The following STK3 variants were observed in gnomAD, a reference collection of about 807,000 sequenced individuals.
STK3 encodes the protein serine/threonine kinase 3, also known as serine/threonine-protein kinase 3.
A neutral mutation model predicts 58.0 loss-of-function variants in STK3; 41 were observed. The observed-to-expected ratio is 0.71, with a 90% CI of 0.55 to 0.92. STK3 has a LOEUF of 0.92. Among genes scored for constraint, STK3 ranks in the 40% least tolerant of loss-of-function variants. The pLI is 0.00. For synonymous variants in STK3, 170 were observed against 191.0 expected, an observed-to-expected ratio of 0.89 and a Z score of 0.91; for missense variants, 479 against 602.7, an observed-to-expected ratio of 0.79 and a Z score of 2.15.
intron 1 of STK3, among the ~76,000 whole-genome samples, chr8:98,817,453 CAAAA>C (rs61671053): frequency 3.1e-5 from 4 of 128,990 alleles, no homozygotes; most frequent in East Asian, 2.2e-4. Flanking sequence ...GACTCCATCT[CAAAA>C]AAAAAAAAAA....
intron 1 of STK3, among the ~76,000 whole-genome samples, chr8:98,907,369 C>T (rs999454030): frequency 4.1e-4 from 62 of 151,894 alleles, no homozygotes; most frequent in African/African-American, 1.4e-3. Flanking sequence ...AAAAAATTAG[C>T]CAGGCGTGGT....
intron 4 of STK3, among the ~76,000 whole-genome samples, chr8:98,707,979 A>C (rs1716852159): frequency 6.6e-6 from 1 of 151,938 alleles, no homozygotes; most frequent in African/African-American, 2.4e-5. Flanking sequence ...TCTCTACTAA[A>C]AATACAAAAA....
chr8:98,702,343 T>C (rs1825688215), intron 6 of STK3, among the ~76,000 whole-genome samples: 1 of 152,258 alleles, frequency 6.6e-6, no homozygotes. Context: ...CATTCTCAAA[T>C]AACTGCAAAT....
chr8:98,400,728 ATCT>A (rs2131025560), downstream of STK3, among the ~76,000 whole-genome samples: 1 of 152,224 alleles, frequency 6.6e-6, no homozygotes, highest in African/African-American at 2.4e-5. Context: ...CTTCTAAATA[ATCT>A]TAGATTTGAT....
intron 6 of STK3, among the ~76,000 whole-genome samples, chr8:98,623,932 G>A (rs910006161): frequency 1.3e-5 from 2 of 152,210 alleles, no homozygotes; most frequent in Admixed American, 6.5e-5. Context: ...ATAAACTGTT[G>A]TTGTTTAAAT....
intron 7 of STK3, among the ~76,000 whole-genome samples, chr8:98,589,235 A>G (rs985431194): frequency 1.9e-4 from 29 of 152,106 alleles, no homozygotes; most frequent in African/African-American, 6.7e-4. Flanking sequence ...GGTTTTATCT[A>G]CTTTTGGTCT....
chr8:98,893,496 GAAAGAAAGAA>G (rs1838320952), intron 1 of STK3, among the ~76,000 whole-genome samples: 1 of 102,892 alleles, frequency 9.7e-6, no homozygotes, highest in African/African-American at 3.6e-5. Context: ...GAGAAAGAAA[GAAAGAAAGAA>G]AGAAAGAAAG....
At chr8:98,396,216 A>G in intron 3 of STK3, among the ~76,000 whole-genome samples, 1 of 152,228 alleles carries the variant, frequency 6.6e-6, no homozygotes, top group Non-Finnish European at 1.5e-5. Flanking sequence ...AGCTTTCAAA[A>G]ACATCCGCTG....
chr8:98,867,417 A>T (rs879325665), intron 3 of STK3, among the ~76,000 whole-genome samples: 1 of 152,172 alleles, frequency 6.6e-6, no homozygotes, highest in Non-Finnish European at 1.5e-5. Context: ...CCTGTCTCGA[A>T]AAAATAATTT....
At chr8:98,487,772 C>A (rs1822384264) in intron 10 of STK3, among the ~76,000 whole-genome samples, 1 of 152,182 alleles carries the variant, frequency 6.6e-6, no homozygotes, top group Non-Finnish European at 1.5e-5. Context: ...TCACGTCCCC[C>A]ACTCTAGTAG....
chr8:98,762,918 C>A (rs1001864633), intron 3 of STK3, among the ~76,000 whole-genome samples: 3 of 152,172 alleles, frequency 2.0e-5, no homozygotes, highest in African/African-American at 7.2e-5. Flanking sequence ...AATGTGGGTT[C>A]TTATTGCATC....
chr8:98,826,563 C>T (rs967009748), upstream of STK3, among the ~76,000 whole-genome samples: 1 of 152,326 alleles, frequency 6.6e-6, no homozygotes, highest in East Asian at 1.9e-4. Flanking sequence ...TTTGTTTCCT[C>T]CCCTCTTTGG....
At chr8:98,444,792 T>C (rs1818864894) in intron 1 of STK3, among the ~76,000 whole-genome samples, 1 of 152,162 alleles carries the variant, frequency 6.6e-6, no homozygotes, top group Non-Finnish European at 1.5e-5. Context: ...AATTTGGGAA[T>C]CATTTGCACA....
chr8:98,760,282 T>C (rs1282768518), intron 3 of STK3, among the ~76,000 whole-genome samples: 2 of 152,070 alleles, frequency 1.3e-5, no homozygotes, highest in African/African-American at 4.8e-5. Context: ...ACCGCAACTA[T>C]AAACATGCAC....
intron 1 of STK3, among the ~76,000 whole-genome samples, chr8:98,895,496 A>G (rs1838411556): frequency 6.6e-6 from 1 of 152,184 alleles, no homozygotes; most frequent in African/African-American, 2.4e-5. Flanking sequence ...AATCAGGACA[A>G]GGCATTCTTT....
chr8:98,614,610 C>T (rs937252971), intron 6 of STK3, among the ~76,000 whole-genome samples: 13 of 149,694 alleles, frequency 8.7e-5, no homozygotes, highest in Admixed American at 2.6e-4. Context: ...GCGCACCGTG[C>T]GCGAGCCGAA....
chr8:98,752,206 G>A (rs1830031011), intron 3 of STK3, among the ~76,000 whole-genome samples: 1 of 151,826 alleles, frequency 6.6e-6, no homozygotes, highest in Non-Finnish European at 1.5e-5. Flanking sequence ...TACACTACAG[G>A]GCTACAGTAA....
intron 4 of STK3, among the ~76,000 whole-genome samples, chr8:98,721,778 C>T (rs1827445442): frequency 6.6e-6 from 1 of 152,022 alleles, no homozygotes; most frequent in Non-Finnish European, 1.5e-5. Flanking sequence ...CCAGGGGTTA[C>T]AATATTGCTG....
downstream of STK3, chr8:98,401,295 C>G (rs1224364526): frequency 6.6e-6 from 1 of 152,250 alleles, no homozygotes; most frequent in Non-Finnish European, 1.5e-5. Context: ...GGGACTCCAG[C>G]TGCAACTGCA....
Sources: gnomAD v4.1 joint callset for allele counts (sites outside exome capture counted in the v4.1 genomes callset) on GRCh38, gnomAD v4.1.1 for gene constraint, MANE v1.5 for transcripts, NCBI Gene and HGNC (gene_info 2026-07-23, HGNC 2026-07-21) for gene names.